The following APBB2 variants were observed in gnomAD, a reference collection of about 807,000 sequenced individuals.
APBB2 encodes the protein Fe65-like 1.
Under a neutral mutation model 82.5 loss-of-function variants are expected in APBB2, and 38 were observed. The ratio of observed to expected loss-of-function variants is 0.46; its 90% CI spans 0.36 to 0.60. APBB2 has a LOEUF of 0.60. Ranked by LOEUF, APBB2 falls within the 20% of genes least tolerant of loss-of-function variation. The probability of loss-of-function intolerance (pLI) is 0.00; values close to 1 mark genes in which losing one functional copy is unlikely to be tolerated. For missense variants in APBB2, 772 were observed against 972.3 expected (o/e 0.79, Z 2.74); for synonymous variants, 341 against 368.2 (o/e 0.93, Z 0.85).
At chr4:40,888,139 C>A (rs1770867278) in intron 12 of APBB2, among the ~76,000 whole-genome samples, 1 of 152,192 alleles carries the variant, frequency 6.6e-6, no homozygotes, top group South Asian at 2.1e-4. Flanking sequence ...GGCTAACATT[C>A]ATTAAGCATC....
intron 1 of APBB2, among the ~76,000 whole-genome samples, chr4:41,195,155 A>G: frequency 3.8e-4 from 58 of 152,150 alleles, no homozygotes; most frequent in Non-Finnish European, 6.5e-4. Flanking sequence ...CCAAACCTAC[A>G]GGCCCCTCTC....
chr4:40,902,479 A>T (rs1775582449), intron 10 of APBB2, among the ~76,000 whole-genome samples: 1 of 152,202 alleles, frequency 6.6e-6, no homozygotes, highest in Non-Finnish European at 1.5e-5. Context: ...TGGAGCTGAC[A>T]GGCAGGACTG....
At chr4:40,916,894 C>G (rs1311286773) in intron 10 of APBB2, among the ~76,000 whole-genome samples, 3 of 152,106 alleles carry the variant, frequency 2.0e-5, no homozygotes, top group African/African-American at 7.2e-5. Context: ...AGTGTGGAGT[C>G]TGTGGTGGGG....
chr4:41,010,470 T>C (rs886458241), intron 6 of APBB2, among the ~76,000 whole-genome samples: 3 of 152,174 alleles, frequency 2.0e-5, no homozygotes, highest in Non-Finnish European at 4.4e-5. Context: ...GTCAGGACAC[T>C]GAGCAAATGA....
At chr4:41,189,899 T>A (rs945826393) in intron 1 of APBB2, among the ~76,000 whole-genome samples, 1 of 152,204 alleles carries the variant, frequency 6.6e-6, no homozygotes, top group African/African-American at 2.4e-5. Context: ...TTCTCTTTTG[T>A]CTCCTAAGCA....
At chr4:40,894,244 C>T (rs778024504) in intron 10 of APBB2, among the ~76,000 whole-genome samples, 4 of 151,312 alleles carry the variant, frequency 2.6e-5, no homozygotes, top group African/African-American at 4.9e-5. Flanking sequence ...GCCGAGATCG[C>T]GCCACTGCAC....
At chr4:40,936,565 A>G (rs13119159) in intron 7 of APBB2, among the ~76,000 whole-genome samples, 62,790 of 152,166 alleles carry the variant, frequency 0.41, 14,344 homozygotes, top group South Asian at 0.6. Flanking sequence ...TGCAACATGC[A>G]CTTACCAAAC....
chr4:40,886,078 G>T (rs1298347016), intron 12 of APBB2, among the ~76,000 whole-genome samples: 1 of 152,194 alleles, frequency 6.6e-6, no homozygotes, highest in African/African-American at 2.4e-5. Flanking sequence ...AGACTATAGG[G>T]CTCATTGGCG....
At chr4:40,921,385 A>G (rs1374086612) in intron 10 of APBB2, among the ~76,000 whole-genome samples, 4 of 152,220 alleles carry the variant, frequency 2.6e-5, no homozygotes, top group Non-Finnish European at 5.9e-5. Flanking sequence ...CAATGGGAAT[A>G]ATAACTTCAT....
chr4:41,199,007 C>A (rs1776027852), intron 1 of APBB2, among the ~76,000 whole-genome samples: 1 of 152,212 alleles, frequency 6.6e-6, no homozygotes, highest in African/African-American at 2.4e-5. Flanking sequence ...AAACAAATTT[C>A]CCTCTTCTTA....
chr4:40,816,020 T>G lies in APBB2; in HGVS notation c.*72A>C. On this transcript the variant is annotated 3_prime_UTR_variant, in exon 18 of 18. Transcript: ENST00000508593. ...ATCAGCAACTGGATGGAAGGTCGGATGGCGGAGTTCATTTTCTTTAGTGTA... is the reference window on the plus strand; with the variant it reads ...ATCAGCAACTGGATGGAAGGTCGGAGGGCGGAGTTCATTTTCTTTAGTGTA... 6.5e-7 allele frequency: 1 copy of G among 1,540,572 alleles called. No individual in the cohort carries two copies. The highest frequency in any genetic ancestry group is 8.9e-7 in the Non-Finnish European group (1 of 1,126,292).
chr4:41,068,184 A>G (rs1732589840), intron 3 of APBB2, among the ~76,000 whole-genome samples: 1 of 152,196 alleles, frequency 6.6e-6, no homozygotes, highest in Admixed American at 6.5e-5. Flanking sequence ...GTTTTTTCCT[A>G]TACATATGTA....
chr4:40,865,688 G>C (rs937407881), intron 12 of APBB2, among the ~76,000 whole-genome samples: 1 of 152,146 alleles, frequency 6.6e-6, no homozygotes, highest in African/African-American at 2.4e-5. Flanking sequence ...CCAGTTGATA[G>C]GTATTTTACT....
At chr4:40,884,073 C>G (rs1769498034) in intron 12 of APBB2, among the ~76,000 whole-genome samples, 1 of 152,198 alleles carries the variant, frequency 6.6e-6, no homozygotes. Context: ...TAGGACGTAT[C>G]TGACCCAGCC....
At chr4:40,964,775 C>CACACACACACACACACACACACACAA (rs1170561072) in intron 6 of APBB2, among the ~76,000 whole-genome samples, 1 of 151,790 alleles carries the variant, frequency 6.6e-6, no homozygotes, top group African/African-American at 2.4e-5. Flanking sequence ...CACACACACA[C>CACACACACACACACACACACACACAA]AACAATGCAC....
intron 4 of APBB2, among the ~76,000 whole-genome samples, chr4:41,059,680 T>C (rs980315256): frequency 6.6e-6 from 1 of 152,248 alleles, no homozygotes; most frequent in Non-Finnish European, 1.5e-5. Flanking sequence ...TCCCTTCATT[T>C]CCCTTAAGTG....
intron 1 of APBB2, among the ~76,000 whole-genome samples, chr4:41,159,948 GGAGAAGGAGAAGGAGAAGAAGA>G (rs1764507948): frequency 1.2e-5 from 1 of 82,542 alleles, no homozygotes; most frequent in Non-Finnish European, 2.4e-5. Flanking sequence ...AGGAGGAGAA[GGAGAAGGAGAAGGAGAAGAAGA>G]AGAAGAAGAA....
intron 12 of APBB2, among the ~76,000 whole-genome samples, chr4:40,847,591 C>T (rs1341836305): frequency 6.6e-6 from 1 of 152,154 alleles, no homozygotes; most frequent in East Asian, 1.9e-4. Flanking sequence ...TGCCAGAATG[C>T]CATGAGGGTA....
intron 12 of APBB2, among the ~76,000 whole-genome samples, chr4:40,864,903 G>A (rs915440845): frequency 2.0e-5 from 3 of 150,478 alleles, no homozygotes; most frequent in African/African-American, 7.4e-5. Flanking sequence ...CTGTCACCCA[G>A]GCTGGAGGGT....
Sources: gnomAD v4.1 joint callset for allele counts (sites outside exome capture counted in the v4.1 genomes callset) on GRCh38, gnomAD v4.1.1 for gene constraint, MANE v1.5 for transcripts, NCBI Gene and HGNC (gene_info 2026-07-23, HGNC 2026-07-21) for gene names.